KNL1: variants seen among roughly 807,000 people sequenced by gnomAD.
The protein encoded by KNL1 is kinetochore scaffold 1.
In KNL1, 66 loss-of-function variants were observed where a neutral mutation model predicts 201.3. That is an observed-to-expected ratio of 0.33 (90% CI 0.27 to 0.40). KNL1 has a LOEUF of 0.40. Ranked by LOEUF, KNL1 falls within the 10% of genes least tolerant of loss-of-function variation. The pLI, the probability that KNL1 is intolerant of heterozygous loss-of-function variation, is 1.00. For synonymous variants in KNL1, 895 were observed against 899.2 expected (o/e 1.00, Z 0.08); for missense variants, 2,815 against 2,690.5 (o/e 1.05, Z -1.02).
rs376259842 is a variant in KNL1 at position 40,624,216 on chromosome 15, A to G, written c.3952A>G (p.Ser1318Gly). The change falls in exon 10 of 26, where the codon AGT becomes GGT. Residue 1318 changes from serine (S) to glycine (G), a missense_variant. Transcript: ENST00000399668. The stretch of plus-strand genomic sequence containing the variant: ...TTCCTGTACTGATAATTTGGAGGGT[A>G]GTGCCATGCTCTTATGTGATAAAGA... ...VISCTDNLEG[S>G]AMLLCDKDEE... 7 of 1,613,814 alleles carry G rather than the reference A, an allele frequency of 4.3e-6. No homozygotes were observed. Among genetic ancestry groups the G allele is most frequent in the Non-Finnish European group, 5.9e-6 (7 of 1,179,928 alleles).
intron 22 of KNL1, 62 bp from the exon 23 acceptor site, chr15:40,656,980 T>G: frequency 1.4e-6 from 1 of 705,082 alleles, no homozygotes; most frequent in Non-Finnish European, 2.3e-6. Flanking sequence ...TATTTTTCAC[T>G]TATATAAAAT....
intron 13 of KNL1, among the ~76,000 whole-genome samples, chr15:40,636,784 C>T (rs886701440): frequency 2.6e-5 from 4 of 152,120 alleles, no homozygotes; most frequent in African/African-American, 9.7e-5. Flanking sequence ...GAGCTGACAT[C>T]GCGCCACTGC....
intron 6 of KNL1, chr15:40,610,775 C>A (rs141592887): frequency 2.2e-6 from 1 of 455,568 alleles, no homozygotes; most frequent in Non-Finnish European, 4.4e-6. Context: ...TATTTTGAGA[C>A]GGATTTTCAC....
chr15:40,614,171 C>T (rs1396706871), intron 7 of KNL1, among the ~76,000 whole-genome samples: 1 of 148,372 alleles, frequency 6.7e-6, no homozygotes, highest in South Asian at 2.1e-4. Context: ...AATCTTGGCT[C>T]ACTGCAACCT....
chr15:40,648,980 C>T (rs1893476360), intron 17 of KNL1, among the ~76,000 whole-genome samples: 1 of 149,880 alleles, frequency 6.7e-6, no homozygotes, highest in Non-Finnish European at 1.5e-5. Context: ...CAGGCATGCA[C>T]CACCAGGCCC....
At chr15:40,652,768 A>AAG (rs1204731845) in intron 21 of KNL1, among the ~76,000 whole-genome samples, 1 of 151,698 alleles carries the variant, frequency 6.6e-6, no homozygotes, top group East Asian at 1.9e-4. Flanking sequence ...CTCAAAAAAA[A>AAG]AAAAAAAAAA....
At chr15:40,660,894 T>C (rs1282602267) in intron 25 of KNL1, among the ~76,000 whole-genome samples, 2 of 151,364 alleles carry the variant, frequency 1.3e-5, no homozygotes, top group Non-Finnish European at 2.9e-5. Flanking sequence ...GCCTGGGAGG[T>C]GGAGATTGTG....
chr15:40,602,293 A>G (rs1243575603), intron 1 of KNL1, among the ~76,000 whole-genome samples: 6 of 136,342 alleles, frequency 4.4e-5, no homozygotes, highest in Non-Finnish European at 6.2e-5. Flanking sequence ...TCGGCCTCCC[A>G]AAGTGCTGTA....
chr15:40,655,685 C>T (rs1431360320), intron 22 of KNL1, among the ~76,000 whole-genome samples: 1 of 151,514 alleles, frequency 6.6e-6, no homozygotes, highest in Non-Finnish European at 1.5e-5. Context: ...GAGGCCTAGG[C>T]GGACGGATTA....
At chr15:40,596,956 C>A (rs1264106025) in intron 1 of KNL1, among the ~76,000 whole-genome samples, 1 of 141,226 alleles carries the variant, frequency 7.1e-6, no homozygotes, top group African/African-American at 2.6e-5. Flanking sequence ...GCCAAGATTG[C>A]GCCATTGTAC....
intron 13 of KNL1, among the ~76,000 whole-genome samples, chr15:40,633,542 T>C (rs1322179931): frequency 1.3e-5 from 2 of 152,140 alleles, no homozygotes; most frequent in Admixed American, 1.3e-4. Context: ...TACTATACTC[T>C]TTATTGTTAT....
At chr15:40,629,712 A>G (rs1236061837) in intron 13 of KNL1, among the ~76,000 whole-genome samples, 1 of 151,906 alleles carries the variant, frequency 6.6e-6, no homozygotes, top group African/African-American at 2.4e-5. Flanking sequence ...CATATTGGCC[A>G]GGCTGGTCTT....
At chr15:40,607,316 T>C (rs1235633117) in intron 4 of KNL1, among the ~76,000 whole-genome samples, 3 of 152,236 alleles carry the variant, frequency 2.0e-5, no homozygotes, top group Non-Finnish European at 2.9e-5. Context: ...AAAAGATCAG[T>C]ATTCTTTTTT....
chr15:40,618,934 A>G (rs746047047), intron 8 of KNL1, 25 bp from the exon 9 acceptor site: 2 of 1,525,222 alleles, frequency 1.3e-6, no homozygotes, highest in East Asian at 2.3e-5. Flanking sequence ...TTTTCTGACT[A>G]CAGTTTTTTC....
chr15:40,620,189 G>T (rs1294834642), intron 9 of KNL1, among the ~76,000 whole-genome samples: 1 of 151,666 alleles, frequency 6.6e-6, no homozygotes, highest in East Asian at 1.9e-4. Context: ...GATTACAGGC[G>T]TGAGCCACTG....
chr15:40,654,086 C>T (rs1024433882), intron 21 of KNL1, among the ~76,000 whole-genome samples: 8 of 152,124 alleles, frequency 5.3e-5, no homozygotes, highest in African/African-American at 1.9e-4. Flanking sequence ...TGCTGTTTTT[C>T]TCATGGTATC....
At chr15:40,632,022 A>G (rs947571667) in intron 13 of KNL1, among the ~76,000 whole-genome samples, 13 of 151,944 alleles carry the variant, frequency 8.6e-5, no homozygotes, top group Non-Finnish European at 1.6e-4. Flanking sequence ...AAAAAAAAAA[A>G]AAGAATAAAT....
chr15:40,625,278 G>A lies in KNL1; in HGVS notation c.5014G>A (p.Glu1672Lys). ...TAGTGTCACTGGTATTGATGACCTG[G>A]AACAGATTCCAGCAGACACAACTGA... ...NCSVTGIDDLEQIPADTTDIN... is the reference protein window; with the variant it reads ...NCSVTGIDDLKQIPADTTDIN... Residue 1672 changes from glutamate (E) to lysine (K), a missense_variant, in exon 10 of 26, where the codon GAA becomes AAA. Around this residue, in one of 3 missense-constraint regions of KNL1, gnomAD observed 2,464 missense variants for 2,291.7 expected, o/e 1.08. Coordinates refer to ENST00000399668, the MANE Select transcript of KNL1 (RefSeq NM_144508.5). 1 of 1,614,046 alleles carries A rather than the reference G, an allele frequency of 6.2e-7. No individual in the cohort carries two copies. Among genetic ancestry groups the A allele is most frequent in the Non-Finnish European group, 8.5e-7 (1 of 1,179,976 alleles).
intron 10 of KNL1, chr15:40,625,986 G>A: frequency 4.8e-6 from 1 of 209,590 alleles, no homozygotes; most frequent in Admixed American, 5.3e-5. Context: ...AGAATCTCTA[G>A]GGAGGTTATA....
Sources: allele counts gnomAD v4.1 joint callset (sites outside exome capture counted in the v4.1 genomes callset), GRCh38; gene constraint gnomAD v4.1.1; regional missense constraint gnomAD v4.1.1; transcripts MANE v1.5; gene names NCBI Gene and HGNC (gene_info 2026-07-23, HGNC 2026-07-21).